Variants in LPP observed in about 807,000 individuals in gnomAD.
LPP encodes the protein lipoma-preferred partner.
A neutral mutation model predicts 60.4 loss-of-function variants in LPP; 38 were observed. That is an observed-to-expected ratio of 0.63 (90% confidence interval 0.49 to 0.83). LPP has a LOEUF of 0.83. Among genes scored for constraint, LPP ranks in the 40% least tolerant of loss-of-function variants. The pLI, the probability that LPP is intolerant of heterozygous loss-of-function variation, is 0.00. For missense variants in LPP, 902 were observed against 783.6 expected, an observed-to-expected ratio of 1.15 and a Z score of -1.80; for synonymous variants, 328 against 290.8, an observed-to-expected ratio of 1.13 and a Z score of -1.30.
chr3:188,391,008 T>G (rs1472875834), intron 3 of LPP, among the ~76,000 whole-genome samples: 1 of 152,188 alleles, frequency 6.6e-6, no homozygotes, highest in Non-Finnish European at 1.5e-5. Flanking sequence ...CGGGCATGTG[T>G]GTTATGTGAC....
At chr3:188,649,263 G>C (rs1295610036) in intron 7 of LPP, among the ~76,000 whole-genome samples, 1 of 152,146 alleles carries the variant, frequency 6.6e-6, no homozygotes, top group Non-Finnish European at 1.5e-5. Flanking sequence ...AGCATTTACA[G>C]GTAAAGGATG....
intron 9 of LPP, among the ~76,000 whole-genome samples, chr3:188,807,214 T>G (rs979779406): frequency 6.6e-6 from 1 of 152,020 alleles, no homozygotes; most frequent in Non-Finnish European, 1.5e-5. Context: ...AATGTCTTTC[T>G]TGCTTTCAAT....
At chr3:188,653,964 G>T (rs140941971) in intron 7 of LPP, among the ~76,000 whole-genome samples, 2 of 152,266 alleles carry the variant, frequency 1.3e-5, no homozygotes, top group East Asian at 3.9e-4. Flanking sequence ...GTAGAATAGG[G>T]TAAAGGATTA....
At chr3:188,621,030 T>A (rs2151553207) in intron 7 of LPP, among the ~76,000 whole-genome samples, 1 of 152,250 alleles carries the variant, frequency 6.6e-6, no homozygotes, top group South Asian at 2.1e-4. Context: ...GTTGTTGGGT[T>A]GATGGGTGCA....
chr3:188,237,318 G>A (rs1722269215), intron 2 of LPP, among the ~76,000 whole-genome samples: 1 of 152,024 alleles, frequency 6.6e-6, no homozygotes, highest in Non-Finnish European at 1.5e-5. Flanking sequence ...TCACCCATGA[G>A]GATTGGAATA....
chr3:188,491,465 A>G (rs550769701), intron 5 of LPP, among the ~76,000 whole-genome samples: 21 of 152,326 alleles, frequency 1.4e-4, no homozygotes, highest in African/African-American at 5.1e-4. Flanking sequence ...GATGATTGAG[A>G]TGCTTATTTC....
intron 2 of LPP, among the ~76,000 whole-genome samples, chr3:188,242,007 T>C (rs558706409): frequency 6.6e-6 from 1 of 152,088 alleles, no homozygotes; most frequent in Non-Finnish European, 1.5e-5. Flanking sequence ...TGAGTTACAG[T>C]GAGTGATGAG....
intron 4 of LPP, among the ~76,000 whole-genome samples, chr3:188,462,513 C>G (rs1799196267): frequency 7.5e-6 from 1 of 132,636 alleles, no homozygotes; most frequent in South Asian, 2.4e-4. Context: ...CACCAAATGG[C>G]TCATATAAAT....
At chr3:188,731,744 G>A (rs1051873270) in intron 8 of LPP, among the ~76,000 whole-genome samples, 20 of 151,880 alleles carry the variant, frequency 1.3e-4, no homozygotes, top group African/African-American at 4.1e-4. Context: ...GGCTGATCTC[G>A]AACTCCTGAC....
chr3:188,442,478 T>G (rs1234823485), intron 4 of LPP, among the ~76,000 whole-genome samples: 1 of 152,252 alleles, frequency 6.6e-6, no homozygotes, highest in Non-Finnish European at 1.5e-5. Context: ...TTCTCATCAC[T>G]GACGTAGCTG....
rs1172475644 is a variant in LPP, at chr3:188,712,642, G to A, written c.1240+4249G>A. The A allele has an allele frequency of 1.3e-5, 2 of 151,990 alleles. 1 individual carries two copies. Among genetic ancestry groups the A allele is most frequent in the African/African-American group, 4.8e-5 (2 of 41,398 alleles). 9.4% of individuals were successfully genotyped at this position (151,990 alleles called of 1,614,324 possible). On this transcript the variant is annotated intron_variant, in intron 8 of 11. Transcript: ENST00000617246. ...CTTAAATAACTTCTCTTTTTTGCAG[G>A]ACTATCCTCTCAGCCCTGCCAAAAC...
chr3:188,670,717 G>C (rs1000760159), intron 7 of LPP, among the ~76,000 whole-genome samples: 1 of 152,100 alleles, frequency 6.6e-6, no homozygotes, highest in Non-Finnish European at 1.5e-5. Context: ...TTGACCACAG[G>C]CACATTTGAA....
chr3:188,215,934 C>T (rs1014340351), intron 1 of LPP, among the ~76,000 whole-genome samples: 2 of 152,200 alleles, frequency 1.3e-5, no homozygotes, highest in Admixed American at 6.5e-5. Flanking sequence ...AAGGGCTGTA[C>T]GCAGCTATGC....
At chr3:188,723,972 T>C (rs1343455075) in intron 8 of LPP, among the ~76,000 whole-genome samples, 1 of 152,162 alleles carries the variant, frequency 6.6e-6, no homozygotes, top group African/African-American at 2.4e-5. Flanking sequence ...AGCTGGATGA[T>C]TTTTTTAAAT....
intron 10 of LPP, among the ~76,000 whole-genome samples, chr3:188,867,381 G>A (rs1403562866): frequency 6.6e-6 from 1 of 150,934 alleles, no homozygotes; most frequent in African/African-American, 2.4e-5. Context: ...GTCTCACTCT[G>A]CTGCCCAGGC....
At chr3:188,787,765 C>A (rs1742414809) in intron 9 of LPP, among the ~76,000 whole-genome samples, 1 of 152,150 alleles carries the variant, frequency 6.6e-6, no homozygotes, top group Non-Finnish European at 1.5e-5. Flanking sequence ...TTGAGTTCTG[C>A]CCTAATCTCC....
intron 3 of LPP, among the ~76,000 whole-genome samples, chr3:188,373,600 G>T (rs1395383033): frequency 6.6e-6 from 1 of 151,924 alleles, no homozygotes; most frequent in Non-Finnish European, 1.5e-5. Flanking sequence ...GTAGATTCTG[G>T]ATATTAGCCC....
chr3:188,575,554 C>T (rs181579800), intron 6 of LPP, among the ~76,000 whole-genome samples: 1 of 152,218 alleles, frequency 6.6e-6, no homozygotes, highest in East Asian at 1.9e-4. Context: ...TGGATCCGGT[C>T]CACCTTAACT....
intron 3 of LPP, among the ~76,000 whole-genome samples, chr3:188,371,423 C>T (rs905662084): frequency 1.3e-5 from 2 of 151,274 alleles, no homozygotes; most frequent in Admixed American, 1.3e-4. Context: ...TTAATTCTGT[C>T]AAGTCATCTT....
Sources: gnomAD v4.1 joint callset for allele counts (sites outside exome capture counted in the v4.1 genomes callset) on GRCh38, gnomAD v4.1.1 for gene constraint, MANE v1.5 for transcripts, NCBI Gene and HGNC (gene_info 2026-07-23, HGNC 2026-07-21) for gene names.